The following PLPPR1 variants were observed in gnomAD, a reference collection of about 807,000 sequenced individuals.
PLPPR1 encodes phospholipid phosphatase related 1.
A neutral mutation model predicts 33.1 loss-of-function variants in PLPPR1; 10 were observed. The observed-to-expected ratio is 0.30, with a 90% CI of 0.19 to 0.51. The LOEUF (loss-of-function observed/expected upper bound fraction) is 0.51, where lower values mean the gene tolerates loss of function less well. Among genes scored for constraint, PLPPR1 ranks in the 20% least tolerant of loss-of-function variants. The pLI is 0.97. For synonymous variants in PLPPR1, 151 were observed against 151.0 expected (o/e 1.00, Z 0.00); for missense variants, 304 against 408.1 (o/e 0.74, Z 2.20).
At chr9:101,147,088 C>T (rs1564157952) in intron 1 of PLPPR1, among the ~76,000 whole-genome samples, 2 of 152,078 alleles carry the variant, frequency 1.3e-5, no homozygotes, top group South Asian at 4.2e-4. Context: ...AGTAACTTCC[C>T]TACAAAAGAG....
chr9:101,074,601 TC>T (rs1308630816), intron 1 of PLPPR1, among the ~76,000 whole-genome samples: 1 of 152,220 alleles, frequency 6.6e-6, no homozygotes, highest in African/African-American at 2.4e-5. Flanking sequence ...AACTATCCTT[TC>T]TCTAACTATG....
intron 4 of PLPPR1, among the ~76,000 whole-genome samples, chr9:101,304,182 A>T (rs1038602346): frequency 1.2e-4 from 18 of 152,304 alleles, no homozygotes; most frequent in African/African-American, 4.3e-4. Context: ...GACTTTGTGA[A>T]TTTTATAAAA....
chr9:101,067,263 T>C (rs1038028987), intron 1 of PLPPR1, among the ~76,000 whole-genome samples: 1 of 151,704 alleles, frequency 6.6e-6, no homozygotes, highest in African/African-American at 2.4e-5. Flanking sequence ...GCAGGACCTA[T>C]ATTTAGTGAG....
At chr9:101,038,742 A>C (rs1830041373) in intron 1 of PLPPR1, among the ~76,000 whole-genome samples, 1 of 152,094 alleles carries the variant, frequency 6.6e-6, no homozygotes, top group African/African-American at 2.4e-5. Flanking sequence ...GGCGCATTGA[A>C]ATTCATGCCT....
At chr9:101,274,437 G>T (rs1025463049) in intron 3 of PLPPR1, among the ~76,000 whole-genome samples, 1 of 152,126 alleles carries the variant, frequency 6.6e-6, no homozygotes, top group African/African-American at 2.4e-5. Flanking sequence ...TATTTTCCTC[G>T]CAAATGAGGG....
rs543118663 is a variant in PLPPR1, at chr9:101,235,161, T to G, written c.64-34719T>G. Reference sequence around the variant, plus strand: ...GTCTTGTGTGTCTAAGGTAAACAAGTGCAGCTCTTTAGCTCATCTCTGCAT... The same window carrying G: ...GTCTTGTGTGTCTAAGGTAAACAAGGGCAGCTCTTTAGCTCATCTCTGCAT... On this transcript the variant is annotated intron_variant, in intron 2 of 7. Transcript: ENST00000374874. Among the ~76,000 whole-genome samples the G allele has an allele frequency of 2.6e-5, 4 of 152,026 alleles. No individual in the cohort carries two copies. In the South Asian group the frequency reaches 8.3e-4, roughly 31 times the overall value.
chr9:101,318,005 AAAT>A (rs1229980664), intron 7 of PLPPR1, among the ~76,000 whole-genome samples: 1 of 152,202 alleles, frequency 6.6e-6, no homozygotes, highest in Non-Finnish European at 1.5e-5. Context: ...GGGATACAAA[AAAT>A]AATTGATATA....
chr9:101,292,768 A>C (rs905876444), intron 4 of PLPPR1, among the ~76,000 whole-genome samples: 8 of 151,764 alleles, frequency 5.3e-5, no homozygotes, highest in Non-Finnish European at 1.0e-4. Flanking sequence ...AGATTTTGTC[A>C]CCACCAGGCC....
chr9:101,054,194 C>CAAAA (rs1380552557), intron 1 of PLPPR1, among the ~76,000 whole-genome samples: 1 of 151,924 alleles, frequency 6.6e-6, no homozygotes, highest in Non-Finnish European at 1.5e-5. Context: ...AAAAACAAAA[C>CAAAA]AAAACAAAAC....
intron 2 of PLPPR1, among the ~76,000 whole-genome samples, chr9:101,192,577 T>C (rs1420812078): frequency 6.6e-6 from 1 of 151,784 alleles, no homozygotes; most frequent in Admixed American, 6.6e-5. Flanking sequence ...TGCCAAGAGG[T>C]AGGTGGTTAT....
chr9:101,159,746 G>A (rs569735052), intron 1 of PLPPR1, among the ~76,000 whole-genome samples: 1 of 152,320 alleles, frequency 6.6e-6, no homozygotes, highest in East Asian at 1.9e-4. Context: ...CCACAAATGA[G>A]CGCAAAGGGA....
chr9:101,068,827 C>T (rs1424757317), intron 1 of PLPPR1, among the ~76,000 whole-genome samples: 1 of 152,102 alleles, frequency 6.6e-6, no homozygotes, highest in Non-Finnish European at 1.5e-5. Flanking sequence ...AAGAACGTTA[C>T]TTCTAGTGAG....
At chr9:101,116,103 A>G (rs1831114841) in intron 1 of PLPPR1, among the ~76,000 whole-genome samples, 1 of 152,224 alleles carries the variant, frequency 6.6e-6, no homozygotes, top group African/African-American at 2.4e-5. Context: ...AGAAAATCCA[A>G]TAAATAGCTA....
At chr9:101,051,305 A>ATC (rs372579621) in intron 1 of PLPPR1, among the ~76,000 whole-genome samples, 10 of 149,664 alleles carry the variant, frequency 6.7e-5, no homozygotes, top group Admixed American at 1.3e-4. Flanking sequence ...CACTACCACT[A>ATC]TCTCTCTCTC....
intron 7 of PLPPR1, among the ~76,000 whole-genome samples, chr9:101,318,141 G>A (rs1311506646): frequency 6.6e-6 from 1 of 152,070 alleles, no homozygotes; most frequent in Non-Finnish European, 1.5e-5. Context: ...GACCAACCTG[G>A]GCAATGTAAC....
rs1829220443 is a variant in PLPPR1, at chr9:101,324,636, T to C, written c.*579T>C. The C allele has an allele frequency of 6.6e-6, 1 of 152,358 alleles. No homozygotes were observed. Among genetic ancestry groups the C allele is most frequent in the Non-Finnish European group, 1.5e-5 (1 of 68,086 alleles). The allele number at this position is 152,358 out of a possible 1,614,324, so 9.4% of individuals were successfully genotyped here. A position where few individuals can be genotyped will look rare whatever the true frequency, so the allele number is the denominator to read the frequency against. ...CAAAGTCACCTAGTTATACAAACAA[T>C]TGTCAGAGAATTCTGGATTTGGAGG... On this transcript the variant is annotated 3_prime_UTR_variant, in exon 8 of 8. Transcript: ENST00000374874.
At chr9:101,060,699 C>A (rs1434061750) in intron 1 of PLPPR1, among the ~76,000 whole-genome samples, 2 of 151,706 alleles carry the variant, frequency 1.3e-5, no homozygotes, top group Admixed American at 1.3e-4. Context: ...GCTTTACACT[C>A]TGTAGCAAGA....
intron 1 of PLPPR1, among the ~76,000 whole-genome samples, chr9:101,126,534 G>A (rs1306154934): frequency 2.0e-5 from 3 of 152,098 alleles, no homozygotes; most frequent in Non-Finnish European, 4.4e-5. Flanking sequence ...GATATGCCTC[G>A]GTTTATTGAG....
At chr9:101,051,850 C>T (rs1830227259) in intron 1 of PLPPR1, among the ~76,000 whole-genome samples, 1 of 152,068 alleles carries the variant, frequency 6.6e-6, no homozygotes, top group African/African-American at 2.4e-5. Flanking sequence ...TAACGTGTAT[C>T]CTTGCAGGCT....
Sources: gnomAD v4.1 joint callset for allele counts (sites outside exome capture counted in the v4.1 genomes callset) on GRCh38, gnomAD v4.1.1 for gene constraint, MANE v1.5 for transcripts, NCBI Gene and HGNC (gene_info 2026-07-23, HGNC 2026-07-21) for gene names.